The following ZNF469 variants were observed in gnomAD, a reference collection of about 807,000 sequenced individuals.
The protein encoded by ZNF469 is zinc finger protein 469.
ZNF469 carries 1 observed loss-of-function variant against 1.0 expected under a neutral mutation model. That is an observed-to-expected ratio of 1.00 (90% confidence interval 0.35 to 4.73). The LOEUF is 4.73. Among genes scored for constraint, ZNF469 ranks in the 30% most tolerant of loss-of-function variants. The pLI, the probability that ZNF469 is intolerant of heterozygous loss-of-function variation, is 0.16. For synonymous variants in ZNF469, 2,703 were observed against 2,363.4 expected, an observed-to-expected ratio of 1.14 and a Z score of -4.17; for missense variants, 6,100 against 5,356.3, an observed-to-expected ratio of 1.14 and a Z score of -4.33.
chr16:88,327,628 G>C, the ZNF469 span, among the ~76,000 whole-genome samples: 1 of 152,064 alleles, frequency 6.6e-6, no homozygotes, highest in East Asian at 1.9e-4. Context: ...CCTCAGGGCT[G>C]AGTGCTTCCA....
the ZNF469 span, among the ~76,000 whole-genome samples, chr16:88,234,509 G>T: frequency 6.6e-6 from 1 of 152,202 alleles, no homozygotes; most frequent in Admixed American, 6.5e-5. Context: ...CTCCCATCTC[G>T]CAGCGCAGAC....
chr16:88,251,549 T>TTTTTTG, the ZNF469 span, among the ~76,000 whole-genome samples: 1 of 27,410 alleles, frequency 3.6e-5, no homozygotes, highest in Non-Finnish European at 8.7e-5. Context: ...TTTTTTTTTT[T>TTTTTTG]TTTTTTTTTT....
the ZNF469 span, among the ~76,000 whole-genome samples, chr16:88,187,433 C>T: frequency 6.6e-6 from 1 of 152,226 alleles, no homozygotes; most frequent in Admixed American, 6.5e-5. Context: ...TCCGGAATGG[C>T]TCCTAAACGC....
At chr16:88,381,138 TCACA>T (rs745666882), upstream of ZNF469, among the ~76,000 whole-genome samples, 4 of 59,926 alleles carry the variant, frequency 6.7e-5, no homozygotes, top group South Asian at 5.4e-4. Context: ...AGACATGCAC[TCACA>T]CACACACTCA....
the ZNF469 span, among the ~76,000 whole-genome samples, chr16:88,176,125 C>A: frequency 7.9e-5 from 12 of 151,804 alleles, no homozygotes; most frequent in African/African-American, 2.7e-4. Flanking sequence ...GCCTGATGGC[C>A]TGAGGACGTC....
Position 88,438,431 on chromosome 16 carries a change from A to T in ZNF469, c.10961A>T (p.His3654Leu), listed in dbSNP as rs1205938441. The T allele has an allele frequency of 1.8e-5, 28 of 1,550,016 alleles. No individual in the cohort carries two copies. Among genetic ancestry groups the T allele is most frequent in the Non-Finnish European group, 2.4e-5 (27 of 1,146,948 alleles). The change falls in exon 3 of 3, where the codon CAC becomes CTC. Residue 3654 changes from histidine to leucine, a missense_variant. Physicochemically the swap from His to Leu is moderately conservative, Grantham distance 99. Coordinates refer to ENST00000565624, the MANE Select transcript of ZNF469 (RefSeq NM_001367624.2). ...AAAGAGAAGGAGGTGTCCTCAAGCC[A>T]CATGGTGTCTGAGGGGGGGCCCCGA... ...LQKEKEVSSS[H>L]MVSEGGPRGA...
chr16:88,153,632 G>A, the ZNF469 span, among the ~76,000 whole-genome samples: 2 of 152,240 alleles, frequency 1.3e-5, no homozygotes, highest in Non-Finnish European at 2.9e-5. Context: ...GAGGCCTTGT[G>A]TTAGCCCAGG....
At chr16:88,336,368 GAC>G in the ZNF469 span, among the ~76,000 whole-genome samples, 1 of 151,132 alleles carries the variant, frequency 6.6e-6, no homozygotes, top group South Asian at 2.1e-4. Context: ...CTTCACGTGA[GAC>G]ACTAACATGC....
At chr16:88,329,003 A>G in the ZNF469 span, among the ~76,000 whole-genome samples, 52 of 152,314 alleles carry the variant, frequency 3.4e-4, no homozygotes, top group African/African-American at 1.2e-3. Flanking sequence ...CCGCAGCCGG[A>G]GTCCTTCAAA....
At chr16:88,333,863 A>AGTGTGT in the ZNF469 span, among the ~76,000 whole-genome samples, 585 of 141,004 alleles carry the variant, frequency 4.1e-3, 2 homozygotes, top group African/African-American at 6.4e-3. Context: ...GGGCAGTTGC[A>AGTGTGT]GTGTGTGTGT....
the ZNF469 span, among the ~76,000 whole-genome samples, chr16:88,297,282 C>T: frequency 6.6e-6 from 1 of 152,280 alleles, no homozygotes; most frequent in East Asian, 1.9e-4. Context: ...GGGCTGGCTT[C>T]AGGTATGATC....
At chr16:88,277,556 C>G in the ZNF469 span, among the ~76,000 whole-genome samples, 8 of 151,522 alleles carry the variant, frequency 5.3e-5, 1 homozygote, top group African/African-American at 1.7e-4. Flanking sequence ...GACACTCGGT[C>G]AGTACCGTGT....
At chr16:88,253,614 T>G in the ZNF469 span, among the ~76,000 whole-genome samples, 2 of 150,990 alleles carry the variant, frequency 1.3e-5, no homozygotes, top group Admixed American at 6.6e-5. Context: ...CTCGGCTCAC[T>G]GCAAACTCTG....
chr16:88,179,043 A>G, the ZNF469 span: 2 of 152,218 alleles, frequency 1.3e-5, no homozygotes, highest in African/African-American at 4.8e-5. Context: ...CAACCCGAAG[A>G]CGGGCGTGTG....
At chr16:88,147,643 C>T in the ZNF469 span, among the ~76,000 whole-genome samples, 1 of 152,100 alleles carries the variant, frequency 6.6e-6, no homozygotes, top group Non-Finnish European at 1.5e-5. Context: ...GCAGTGTGCT[C>T]ACGGGACGCT....
At chr16:88,249,617 T>A in the ZNF469 span, among the ~76,000 whole-genome samples, 1 of 152,050 alleles carries the variant, frequency 6.6e-6, no homozygotes, top group South Asian at 2.1e-4. Flanking sequence ...TTTATATTTT[T>A]AGTAGAGACG....
chr16:88,405,725 C>T (rs937027737), intron 1 of ZNF469, among the ~76,000 whole-genome samples: 6 of 152,228 alleles, frequency 3.9e-5, no homozygotes, highest in East Asian at 3.9e-4. Context: ...TGCAGGCTCC[C>T]GGCACTCCAA....
intron 1 of ZNF469, among the ~76,000 whole-genome samples, chr16:88,422,281 A>AATGGATGGATGG (rs149579956): frequency 0.02 from 2,458 of 121,740 alleles, 93 homozygotes; most frequent in African/African-American, 0.037. Flanking sequence ...ATAGGTGGGT[A>AATGGATGGATGG]ATGGATGGAT....
chr16:88,337,570 G>A, the ZNF469 span, among the ~76,000 whole-genome samples: 10 of 152,302 alleles, frequency 6.6e-5, no homozygotes, highest in South Asian at 4.1e-4. Flanking sequence ...GGGTCCCAGC[G>A]TCACTCTCTG....
Sources: gnomAD v4.1 joint callset for allele counts (sites outside exome capture counted in the v4.1 genomes callset) on GRCh38, gnomAD v4.1.1 for gene constraint, MANE v1.5 for transcripts, NCBI Gene and HGNC (gene_info 2026-07-23, HGNC 2026-07-21) for gene names.